Variants in CHSY3 observed in about 807,000 individuals in gnomAD.
CHSY3 encodes chondroitin sulfate synthase 3.
In CHSY3, 35 loss-of-function variants were observed where a neutral mutation model predicts 67.2. That is an observed-to-expected ratio of 0.52 (90% CI 0.40 to 0.69). The LOEUF (loss-of-function observed/expected upper bound fraction) is 0.69, where lower values mean the gene tolerates loss of function less well. Ranked by LOEUF, CHSY3 falls within the 30% of genes least tolerant of loss-of-function variation. The pLI is 0.00. For synonymous variants in CHSY3, 474 were observed against 434.7 expected (o/e 1.09, Z -1.12); for missense variants, 1,069 against 1,138.5 (o/e 0.94, Z 0.88).
chr5:129,916,611 T>C (rs1760737518), intron 2 of CHSY3, among the ~76,000 whole-genome samples: 1 of 149,184 alleles, frequency 6.7e-6, no homozygotes, highest in African/African-American at 2.6e-5. Flanking sequence ...TTAATATACG[T>C]GAGTATCTCA....
At chr5:130,069,667 T>C (rs79306180) in intron 2 of CHSY3, among the ~76,000 whole-genome samples, 2,510 of 152,182 alleles carry the variant, frequency 0.016, 68 homozygotes, top group African/African-American at 0.056. Flanking sequence ...ATATCATATA[T>C]GATTTGAATC....
At chr5:130,183,313 C>T (rs1179303719) in intron 2 of CHSY3, among the ~76,000 whole-genome samples, 5 of 151,982 alleles carry the variant, frequency 3.3e-5, no homozygotes, top group Admixed American at 6.6e-5. Context: ...CTTTTTGTTT[C>T]ATAAGGATGT....
intron 2 of CHSY3, among the ~76,000 whole-genome samples, chr5:129,970,162 G>A (rs185629576): frequency 3.9e-4 from 59 of 151,704 alleles, no homozygotes; most frequent in Non-Finnish European, 7.2e-4. Flanking sequence ...TGCTTCTTTC[G>A]TAAGACTTAC....
rs760502591 is a variant in CHSY3, at chr5:129,904,995, C to A, written c.166C>A (p.Arg56Ser). 7.7e-6 allele frequency: 12 copies of A among 1,567,176 alleles called. No individual in the cohort carries two copies. The Admixed American group carries it at 1.6e-4, about 21-fold the overall frequency. The change falls in exon 1 of 3, where the codon CGC becomes AGC. Residue 56 changes from arginine (R) to serine (S), a missense_variant. Coordinates refer to ENST00000305031, the MANE Select transcript of CHSY3 (RefSeq NM_175856.5). ...SYYGRSAAGP[R>S]AGAQQPLPQP... is the part of the protein sequence containing the mutation. The stretch of plus-strand genomic sequence containing the variant: ...CTACGGTCGCTCTGCTGCTGGCCCC[C>A]GCGCCGGCGCTCAGCAGCCGCTCCC...
intron 2 of CHSY3, among the ~76,000 whole-genome samples, chr5:130,047,585 T>G (rs906882459): frequency 2.0e-5 from 3 of 152,106 alleles, no homozygotes; most frequent in Admixed American, 6.6e-5. Flanking sequence ...AGGAAAAGTC[T>G]ATTGGATGCA....
chr5:130,053,147 G>A (rs574235297), intron 2 of CHSY3, among the ~76,000 whole-genome samples: 5 of 152,186 alleles, frequency 3.3e-5, no homozygotes, highest in Non-Finnish European at 7.4e-5. Flanking sequence ...TTAAAGAAGA[G>A]TTTGTTTTAA....
At chr5:130,012,343 G>A (rs537765089) in intron 2 of CHSY3, among the ~76,000 whole-genome samples, 1 of 152,146 alleles carries the variant, frequency 6.6e-6, no homozygotes, top group Non-Finnish European at 1.5e-5. Context: ...CAAGCACAAG[G>A]GAGAGGACTG....
intron 2 of CHSY3, among the ~76,000 whole-genome samples, chr5:130,151,855 G>A (rs1196206847): frequency 2.6e-5 from 4 of 152,132 alleles, no homozygotes; most frequent in Admixed American, 1.3e-4. Context: ...AGATTTGAGT[G>A]GGAAAACAAA....
At chr5:130,088,850 G>C (rs1470456272) in intron 2 of CHSY3, among the ~76,000 whole-genome samples, 1 of 152,122 alleles carries the variant, frequency 6.6e-6, no homozygotes, top group African/African-American at 2.4e-5. Context: ...AATACCATTT[G>C]ACCCAGCCAT....
At chr5:130,020,726 T>C (rs1007428616) in intron 2 of CHSY3, among the ~76,000 whole-genome samples, 1 of 151,934 alleles carries the variant, frequency 6.6e-6, no homozygotes, top group East Asian at 1.9e-4. Context: ...GCATAAGTTA[T>C]TGGTCAGGAC....
At chr5:129,995,507 C>G (rs1347849943) in intron 2 of CHSY3, among the ~76,000 whole-genome samples, 1 of 147,594 alleles carries the variant, frequency 6.8e-6, no homozygotes, top group Admixed American at 6.7e-5. Context: ...TTTTTCTTTT[C>G]TTTTCTTTTT....
chr5:129,936,737 G>A (rs867619415), intron 2 of CHSY3, among the ~76,000 whole-genome samples: 2 of 152,144 alleles, frequency 1.3e-5, no homozygotes, highest in Non-Finnish European at 2.9e-5. Context: ...TAAGAATGGG[G>A]TATAGACGAT....
rs1761225726 is a variant in CHSY3 at position 129,929,419 on chromosome 5, T to C, written c.1086+21059T>C. The stretch of plus-strand genomic sequence containing the variant: ...TATAGGCTGTCAGTTTTATTTAATG[T>C]AATTGTTTTTCTTTCAGCTATACTA... On this transcript the variant is annotated intron_variant, in intron 2 of 2. Coordinates refer to ENST00000305031, the MANE Select transcript of CHSY3 (RefSeq NM_175856.5). Among the ~76,000 whole-genome samples, 4 of 152,258 alleles carry C rather than the reference T, an allele frequency of 2.6e-5. No homozygotes were observed. In the South Asian group the frequency reaches 8.3e-4, roughly 31 times the overall value.
chr5:130,124,351 A>G (rs1398954197), intron 2 of CHSY3, among the ~76,000 whole-genome samples: 1 of 150,672 alleles, frequency 6.6e-6, no homozygotes, highest in East Asian at 1.9e-4. Context: ...GAATGAATCA[A>G]CAGTAGTTAT....
chr5:130,041,825 A>T (rs1016924803), intron 2 of CHSY3, among the ~76,000 whole-genome samples: 1 of 152,178 alleles, frequency 6.6e-6, no homozygotes, highest in Non-Finnish European at 1.5e-5. Context: ...TAAAAATGTG[A>T]AAGTTTCTCT....
intron 2 of CHSY3, among the ~76,000 whole-genome samples, chr5:130,107,084 T>A (rs1259756098): frequency 1.3e-5 from 2 of 151,356 alleles, no homozygotes; most frequent in African/African-American, 4.8e-5. Flanking sequence ...TATGGGTAAC[T>A]AAGTTTATTA....
chr5:130,173,179 G>A (rs1320797837), intron 2 of CHSY3, among the ~76,000 whole-genome samples: 5 of 151,922 alleles, frequency 3.3e-5, no homozygotes, highest in Admixed American at 6.6e-5. Context: ...ATAGCCTTTG[G>A]ACTACACGTT....
At chr5:130,166,425 A>G (rs1769749569) in intron 2 of CHSY3, among the ~76,000 whole-genome samples, 1 of 152,144 alleles carries the variant, frequency 6.6e-6, no homozygotes, top group Non-Finnish European at 1.5e-5. Flanking sequence ...TGTGGTGACA[A>G]CTTTATACAT....
At chr5:130,025,109 A>C (rs1299381269) in intron 2 of CHSY3, among the ~76,000 whole-genome samples, 1 of 135,078 alleles carries the variant, frequency 7.4e-6, no homozygotes, top group East Asian at 2.2e-4. Context: ...ACTTATTTTC[A>C]GTGTTGTATT....
Sources: allele counts gnomAD v4.1 joint callset (sites outside exome capture counted in the v4.1 genomes callset), GRCh38; gene constraint gnomAD v4.1.1; transcripts MANE v1.5; gene names NCBI Gene and HGNC (gene_info 2026-07-23, HGNC 2026-07-21).